Variants in WDR76 observed in about 807,000 individuals in gnomAD.
WDR76 encodes the protein WD repeat-containing protein 76.
WDR76 carries 52 observed loss-of-function variants against 70.2 expected under a neutral mutation model. The ratio of observed to expected loss-of-function variants is 0.74; its 90% CI spans 0.59 to 0.93. WDR76 has a LOEUF of 0.93. Ranked by LOEUF, WDR76 falls within the 40% of genes least tolerant of loss-of-function variation. WDR76 has a pLI of 0.00. For synonymous variants in WDR76, 292 were observed against 271.1 expected (o/e 1.08, Z -0.76); for missense variants, 756 against 760.2 (o/e 0.99, Z 0.07).
In WDR76 at chr15:43,842,322, G is replaced by A. The variant is rs915918957; in HGVS notation, c.733-93G>A. 2.1e-5 allele frequency: 23 copies of A among 1,082,566 alleles called. No homozygotes were observed. In the South Asian group the frequency reaches 2.9e-4, roughly 14 times the overall value. 67.1% of individuals were successfully genotyped at this position (1,082,566 alleles called of 1,614,324 possible). ...CATTACTGTTGATGTTGAAAGTGAAGTTGTGGGGAAAACAGACAAATACCC... is the reference window on the plus strand; with the variant it reads ...CATTACTGTTGATGTTGAAAGTGAAATTGTGGGGAAAACAGACAAATACCC... On this transcript the variant is annotated intron_variant, in intron 5 of 12. Transcript: ENST00000263795.
intron 5 of WDR76, among the ~76,000 whole-genome samples, chr15:43,841,950 C>G (rs752341289): frequency 6.6e-6 from 1 of 152,108 alleles, no homozygotes; most frequent in Non-Finnish European, 1.5e-5. Context: ...TCACTGCAAC[C>G]TCCAACACCT....
rs1304584597 is a variant in WDR76 at position 43,867,580 on chromosome 15, T to C, written c.*1188T>C. 6.6e-6 allele frequency: 1 copy of C among 151,074 alleles called. No homozygotes were observed. The highest frequency in any genetic ancestry group is 2.4e-5 in the African/African-American group (1 of 41,186). The allele number at this position is 151,074 out of a possible 1,614,324, so 9.4% of individuals were successfully genotyped here. A position where few individuals can be genotyped will look rare whatever the true frequency, so the allele number is the denominator to read the frequency against. On this transcript the variant is annotated 3_prime_UTR_variant, in exon 13 of 13. Coordinates refer to ENST00000263795, the MANE Select transcript of WDR76 (RefSeq NM_024908.4). ...AAAATATATATATATATATATTTTA[T>C]TACTATAGTACCATGGGTAATGGAT...
At chr15:43,834,558 C>T (rs2087632629) in intron 2 of WDR76, among the ~76,000 whole-genome samples, 1 of 151,488 alleles carries the variant, frequency 6.6e-6, no homozygotes, top group Non-Finnish European at 1.5e-5. Flanking sequence ...GTGATCTGCC[C>T]ACTTCGGCCT....
rs556895051 is a variant in WDR76, at chr15:43,867,658, C to G, written c.*1266C>G. Reference sequence around the variant, plus strand: ...GAAGAAGGCCCCAGGCTTACCTGTCCCGATCTTTAAACTGTCCGAAGGAAA... The same window carrying G: ...GAAGAAGGCCCCAGGCTTACCTGTCGCGATCTTTAAACTGTCCGAAGGAAA... On this transcript the variant is annotated 3_prime_UTR_variant, in exon 13 of 13. Transcript: ENST00000263795. 1.3e-5 allele frequency: 2 copies of G among 151,752 alleles called. No homozygotes were observed. The highest frequency in any genetic ancestry group is 2.9e-5 in the Non-Finnish European group (2 of 67,952). 9.4% of individuals were successfully genotyped at this position (151,752 alleles called of 1,614,324 possible). A position where few individuals can be genotyped will look rare whatever the true frequency, so the allele number is the denominator to read the frequency against.
At position 43,829,531 on chromosome 15, in the gene WDR76, G is replaced by C. The variant is rs1343841512; in HGVS notation, c.462+1165G>C. Among the ~76,000 whole-genome samples the C allele has an allele frequency of 2.3e-5, 3 of 128,196 alleles. No individual in the cohort carries two copies. The South Asian group carries it at 7.6e-4, about 33-fold the overall frequency. The allele number at this position is 128,196 out of a possible 152,430, so 84.1% of individuals were successfully genotyped here. ...TTTTTTTTTTTTTTTTTTTTGAGAC[G>C]AGTCTTGTTCTGTTGCCCAGGATGG... is the stretch of plus-strand genomic sequence containing the variant. On this transcript the variant is annotated intron_variant, in intron 2 of 12. Coordinates refer to ENST00000263795, the MANE Select transcript of WDR76 (RefSeq NM_024908.4).
In WDR76 at chr15:43,866,687, C is replaced by T. The variant is rs907799220; in HGVS notation, c.*295C>T. ...TGTTGCCCAGGCTGGAGTGCAATAG[C>T]GCGATCTTGGCTCACCGCAACCTCC... On this transcript the variant is annotated 3_prime_UTR_variant, in exon 13 of 13. Coordinates refer to ENST00000263795, the MANE Select transcript of WDR76 (RefSeq NM_024908.4). 2.2e-5 allele frequency: 6 copies of T among 277,400 alleles called. No homozygotes were observed. Among genetic ancestry groups the T allele is most frequent in the Admixed American group, 5.1e-5 (1 of 19,516 alleles). 17.2% of individuals were successfully genotyped at this position (277,400 alleles called of 1,614,324 possible). A position where few individuals can be genotyped will look rare whatever the true frequency, so the allele number is the denominator to read the frequency against.
At chr15:43,844,831 A>G (rs1567186712) in intron 8 of WDR76, among the ~76,000 whole-genome samples, 1 of 136,264 alleles carries the variant, frequency 7.3e-6, no homozygotes, top group Admixed American at 7.6e-5. Context: ...GGGAGGCTGA[A>G]GCAGGAGAAT....
intron 8 of WDR76, among the ~76,000 whole-genome samples, chr15:43,845,360 A>G (rs752163677): frequency 6.7e-6 from 1 of 150,314 alleles, no homozygotes; most frequent in African/African-American, 2.4e-5. Flanking sequence ...ATTAGGAGGT[A>G]GGACCTTTGG....
At chr15:43,850,263 TA>T (rs1371441043) in intron 8 of WDR76, among the ~76,000 whole-genome samples, 6 of 150,956 alleles carry the variant, frequency 4.0e-5, no homozygotes, top group Non-Finnish European at 7.4e-5. Flanking sequence ...TTTATGGTGT[TA>T]TTTTTTTATT....
In WDR76 at chr15:43,828,287, C is replaced by T. The variant is rs202129705; in HGVS notation, c.383C>T (p.Thr128Met). 1.7e-5 allele frequency: 28 copies of T among 1,614,104 alleles called. No individual in the cohort carries two copies. Among genetic ancestry groups the T allele is most frequent in the African/African-American group, 5.3e-5 (4 of 75,034 alleles). Residue 128 changes from threonine to methionine, a missense_variant, in exon 2 of 13, where the codon ACG (threonine) becomes ATG (methionine). Thr to Met is a moderately conservative substitution (Grantham distance 81). Coordinates refer to ENST00000263795, the MANE Select transcript of WDR76 (RefSeq NM_024908.4). ...TESNKLQPKR[T>M]ADAMNLSVDV... ...AGTAACAAGCTACAACCCAAGAGAA[C>T]GGCAGATGCGATGAATCTCAGTGTT... is the stretch of plus-strand genomic sequence containing the variant.
intron 3 of WDR76, among the ~76,000 whole-genome samples, chr15:43,835,859 G>A (rs2087649168): frequency 6.6e-6 from 1 of 151,862 alleles, no homozygotes; most frequent in Non-Finnish European, 1.5e-5. Context: ...GTTTCACCAT[G>A]TTGGTAAGGC....
At chr15:43,859,665 A>G (rs1316522214) in intron 11 of WDR76, among the ~76,000 whole-genome samples, 1 of 152,186 alleles carries the variant, frequency 6.6e-6, no homozygotes, top group African/African-American at 2.4e-5. Flanking sequence ...GTAGGAAGAG[A>G]GTCACCCGGG....
At chr15:43,849,874 G>T (rs1043868467) in intron 8 of WDR76, among the ~76,000 whole-genome samples, 1 of 151,964 alleles carries the variant, frequency 6.6e-6, no homozygotes, top group Non-Finnish European at 1.5e-5. Flanking sequence ...GTACATTTCT[G>T]CATTGTTTGA....
intron 7 of WDR76, among the ~76,000 whole-genome samples, chr15:43,843,094 G>A (rs1174416834): frequency 6.8e-6 from 1 of 147,156 alleles, no homozygotes; most frequent in Non-Finnish European, 1.5e-5. Flanking sequence ...CACTATCTTG[G>A]CTCATTGCAA....
chr15:43,858,252 TTTTG>T (rs1177205581), intron 10 of WDR76, among the ~76,000 whole-genome samples: 3 of 150,326 alleles, frequency 2.0e-5, no homozygotes, highest in East Asian at 2.0e-4. Context: ...TGTTTTTTTT[TTTTG>T]TTTGTTTGTT....
Position 43,851,090 on chromosome 15 carries a change from C to G in WDR76, c.1036C>G (p.Gln346Glu). The change falls in exon 9 of 13, where the codon CAG (glutamine) becomes GAG (glutamate). Residue 346 changes from glutamine to glutamate, a missense_variant. Transcript: ENST00000263795. ...CTTTCCCGCAACTCTCTTCCAGACCCAGCAACCTAAAGAAGATGGAGTTTA... is the reference window on the plus strand; with the variant it reads ...CTTTCCCGCAACTCTCTTCCAGACCGAGCAACCTAAAGAAGATGGAGTTTA... The part of the protein sequence containing the change: ...FGQVGLCDLT[Q>E]QPKEDGVYVF... 1 of 1,613,996 alleles carries G rather than the reference C, an allele frequency of 6.2e-7. No individual in the cohort carries two copies. The highest frequency in any genetic ancestry group is 8.5e-7 in the Non-Finnish European group (1 of 1,179,960).
At chr15:43,839,843 C>G in intron 5 of WDR76, 115 bp downstream of exon 5, 1 of 1,244,784 alleles carries the variant, frequency 8.0e-7, no homozygotes, top group Non-Finnish European at 1.1e-6. Flanking sequence ...TTCATTAATA[C>G]TTGAATGTTG....
chr15:43,851,614 A>G (rs1206300695), intron 9 of WDR76, among the ~76,000 whole-genome samples: 1 of 152,110 alleles, frequency 6.6e-6, no homozygotes, highest in African/African-American at 2.4e-5. Flanking sequence ...TAACTAAAAT[A>G]ACTTACTCTT....
intron 1 of WDR76, 142 bp downstream of exon 1, chr15:43,827,234 C>A (rs978491886): frequency 1.1e-5 from 10 of 944,886 alleles, no homozygotes; most frequent in South Asian, 1.6e-5. Flanking sequence ...TCAGCTTTGA[C>A]GAAAGGTTCT....
Sources: gnomAD v4.1 joint callset for allele counts (sites outside exome capture counted in the v4.1 genomes callset) on GRCh38, gnomAD v4.1.1 for gene constraint, MANE v1.5 for transcripts, NCBI Gene and HGNC (gene_info 2026-07-23, HGNC 2026-07-21) for gene names.